Variants in RDH8 observed in about 807,000 individuals in gnomAD.
RDH8 encodes photoreceptor outer segment all-trans retinol dehydrogenase.
A neutral mutation model predicts 22.3 loss-of-function variants in RDH8; 14 were observed. The observed-to-expected ratio is 0.63, with a 90% confidence interval of 0.42 to 0.98. The LOEUF (loss-of-function observed/expected upper bound fraction) is 0.98, where lower values mean the gene tolerates loss of function less well. RDH8 is among the 50% of genes least tolerant of loss of function. The probability of loss-of-function intolerance (pLI) is 0.00; values close to 1 mark genes in which losing one functional copy is unlikely to be tolerated. For missense variants in RDH8, 389 were observed against 409.8 expected (o/e 0.95, Z 0.44); for synonymous variants, 175 against 171.7 (o/e 1.02, Z -0.15).
At chr19:10,014,027 TC>T (rs199525009) in intron 1 of RDH8, among the ~76,000 whole-genome samples, 2,614 of 152,216 alleles carry the variant, frequency 0.017, 33 homozygotes, top group African/African-American at 0.025. Flanking sequence ...TGCTCACTCT[TC>T]CACGTCTCCC....
At chr19:10,016,999 C>T in intron 1 of RDH8, 58 bp from the exon 2 acceptor site, 1 of 1,431,878 alleles carries the variant, frequency 7.0e-7, no homozygotes, top group Non-Finnish European at 9.2e-7. Flanking sequence ...ACACGTGGCG[C>T]CCACACCAAG....
At chr19:10,016,732 A>G (rs972631401) in intron 1 of RDH8, among the ~76,000 whole-genome samples, 1 of 152,086 alleles carries the variant, frequency 6.6e-6, no homozygotes, top group Non-Finnish European at 1.5e-5. Flanking sequence ...TCAGCTTCCC[A>G]ACGTGCTGGG....
In RDH8 at chr19:10,021,846, T is replaced by C; in HGVS notation, c.*97T>C. 2 of 1,268,816 alleles carry C rather than the reference T, an allele frequency of 1.6e-6. No homozygotes were observed. Among genetic ancestry groups the C allele is most frequent in the Non-Finnish European group, 2.2e-6 (2 of 914,910 alleles). 78.6% of individuals were successfully genotyped at this position (1,268,816 alleles called of 1,614,324 possible). On this transcript the variant is annotated 3_prime_UTR_variant, in exon 6 of 6. Coordinates refer to ENST00000591589, the MANE Select transcript of RDH8 (RefSeq NM_015725.4). ...GAACAGACTCTTCATTTATTCATTC[T>C]GCAAACTCCCCCTCCCCTCCTCTGT...
rs142611938 is a variant in RDH8 at position 10,021,726 on chromosome 19, C to T, written c.913C>T (p.Pro305Ser). 1 of 1,613,834 alleles carries T rather than the reference C, an allele frequency of 6.2e-7. No homozygotes were observed. The highest frequency in any genetic ancestry group is 1.1e-5 in the South Asian group (1 of 91,086). Reference sequence around the variant, plus strand: ...TCAATGTCTGTCCTGCGGCTGCCTCCCAACGCGGGTGCGGCCAAGATGAGC... The same window carrying T: ...TCAATGTCTGTCCTGCGGCTGCCTCTCAACGCGGGTGCGGCCAAGATGAGC... ...GLQCLSCGCLPTRVRPR is the reference protein window; with the variant it reads ...GLQCLSCGCLSTRVRPR Residue 305 changes from proline to serine, a missense_variant, in exon 6 of 6, where the codon CCA becomes TCA. Pro to Ser is a moderately conservative substitution (Grantham distance 74, BLOSUM62 -1). Transcript: ENST00000591589.
chr19:10,020,836 GC>G, intron 4 of RDH8, 34 bp downstream of exon 4: 1 of 1,481,522 alleles, frequency 6.7e-7, no homozygotes, highest in Non-Finnish European at 9.4e-7. Context: ...GGGGCTTGGA[GC>G]CAGTGATGGG....
intron 5 of RDH8, 22 bp from the exon 6 acceptor site, chr19:10,021,512 G>A (rs1050131954): frequency 2.5e-6 from 4 of 1,613,938 alleles, no homozygotes; most frequent in Non-Finnish European, 2.5e-6. Context: ...GGGTCCCAGC[G>A]CTCAGGGCCT....
intron 1 of RDH8, among the ~76,000 whole-genome samples, chr19:10,015,963 A>AT (rs930890956): frequency 3.3e-5 from 5 of 150,980 alleles, no homozygotes; most frequent in African/African-American, 1.2e-4. Context: ...TCTCAAAAAA[A>AT]AAATATATAT....
chr19:10,021,283 G>A lies in RDH8; in HGVS notation c.565G>A (p.Val189Ile), dbSNP rs1178396913. 6.2e-7 allele frequency: 1 copy of A among 1,614,180 alleles called. No homozygotes were observed. The highest frequency in any genetic ancestry group is 2.2e-5 in the East Asian group (1 of 44,884). The change falls in exon 5 of 6, where the codon GTC (valine) becomes ATC (isoleucine). Residue 189 changes from valine (V) to isoleucine (I), a missense_variant. Coordinates refer to ENST00000591589, the MANE Select transcript of RDH8 (RefSeq NM_015725.4). The part of the protein sequence containing the change: ...FISLVEPGPV[V>I]TEFEGKLLAQ... ...CTCCCTGGTGGAGCCAGGCCCCGTG[G>A]TCACCGAGTTTGAGGGGAAGCTTCT...
chr19:10,018,707 A>T (rs1354415655), intron 2 of RDH8, 24 bp from the exon 3 acceptor site: 1 of 1,555,688 alleles, frequency 6.4e-7, no homozygotes, highest in South Asian at 1.2e-5. Context: ...ACTTTAAGGT[A>T]ACCCTTAGTA....
chr19:10,019,470 G>GTC (rs1418469546), intron 3 of RDH8, among the ~76,000 whole-genome samples: 1 of 151,878 alleles, frequency 6.6e-6, no homozygotes, highest in Non-Finnish European at 1.5e-5. Flanking sequence ...GACCAGCCTG[G>GTC]TCAACACAGG....
chr19:10,014,031 C>T (rs1309821872), intron 1 of RDH8, among the ~76,000 whole-genome samples: 1 of 152,106 alleles, frequency 6.6e-6, no homozygotes, highest in Non-Finnish European at 1.5e-5. Flanking sequence ...CACTCTTCCA[C>T]GTCTCCCCAG....
At chr19:10,020,122 C>T (rs560597447) in intron 3 of RDH8, among the ~76,000 whole-genome samples, 12 of 151,606 alleles carry the variant, frequency 7.9e-5, no homozygotes, top group African/African-American at 9.7e-5. Flanking sequence ...GTCTCCCCCC[C>T]GCCAAAAAAA....
intron 1 of RDH8, among the ~76,000 whole-genome samples, chr19:10,016,057 T>A (rs1156945507): frequency 6.6e-6 from 1 of 151,850 alleles, no homozygotes; most frequent in Non-Finnish European, 1.5e-5. Flanking sequence ...TGGCAATCTG[T>A]TTTATGTTTA....
intron 3 of RDH8, among the ~76,000 whole-genome samples, chr19:10,019,728 G>A (rs1211591724): frequency 6.6e-6 from 1 of 152,078 alleles, no homozygotes; most frequent in Non-Finnish European, 1.5e-5. Context: ...TTGAGCCCAG[G>A]AGGCAGAGGT....
intron 2 of RDH8, 83 bp downstream of exon 2, chr19:10,017,298 C>G: frequency 2.2e-6 from 3 of 1,353,062 alleles, no homozygotes; most frequent in East Asian, 2.5e-5. Flanking sequence ...TGAGCACCAG[C>G]TCTCTGGCTT....
chr19:10,020,358 G>GAGGGAGGGAGGGAGGAAGGA (rs760823041), intron 3 of RDH8, among the ~76,000 whole-genome samples: 5 of 134,144 alleles, frequency 3.7e-5, no homozygotes, highest in Non-Finnish European at 8.0e-5. Flanking sequence ...GGGAGGGAGG[G>GAGGGAGGGAGGGAGGAAGGA]AGGAAGGAAG....
chr19:10,015,962 A>AT (rs2087610858), intron 1 of RDH8, among the ~76,000 whole-genome samples: 3 of 151,488 alleles, frequency 2.0e-5, no homozygotes, highest in African/African-American at 7.3e-5. Flanking sequence ...GTCTCAAAAA[A>AT]AAAATATATA....
chr19:10,018,679 A>T, intron 2 of RDH8, 52 bp from the exon 3 acceptor site: 1 of 1,430,104 alleles, frequency 7.0e-7, no homozygotes, highest in African/African-American at 1.4e-5. Context: ...TCTAGAAGTA[A>T]TGCTAGAAGA....
Position 10,022,134 on chromosome 19 carries a change from G to C in RDH8, c.*385G>C. Reference sequence around the variant, plus strand: ...CCTGAGAACACAGGAATGATTCATAGCCCACCCCCCACCTCCATGCATACA... The same window carrying C: ...CCTGAGAACACAGGAATGATTCATACCCCACCCCCCACCTCCATGCATACA... On this transcript the variant is annotated 3_prime_UTR_variant, in exon 6 of 6. Coordinates refer to ENST00000591589, the MANE Select transcript of RDH8 (RefSeq NM_015725.4). 1 of 227,848 alleles carries C rather than the reference G, an allele frequency of 4.4e-6. No individual in the cohort carries two copies. Among genetic ancestry groups the C allele is most frequent in the Non-Finnish European group, 8.7e-6 (1 of 115,434 alleles). 14.1% of individuals were successfully genotyped at this position (227,848 alleles called of 1,614,324 possible).
Sources: gnomAD v4.1 joint callset for allele counts (sites outside exome capture counted in the v4.1 genomes callset) on GRCh38, gnomAD v4.1.1 for gene constraint, MANE v1.5 for transcripts, NCBI Gene and HGNC (gene_info 2026-07-23, HGNC 2026-07-21) for gene names.